The following SCARB1 variants were observed in gnomAD, a reference collection of about 807,000 sequenced individuals.
SCARB1 encodes the protein CD36 and LIMPII analogous 1.
In SCARB1, 30 loss-of-function variants were observed where a neutral mutation model predicts 57.2. That is an observed-to-expected ratio of 0.52 (90% CI 0.39 to 0.71). SCARB1 has a LOEUF of 0.71. Ranked by LOEUF, SCARB1 falls within the 30% of genes least tolerant of loss-of-function variation. The pLI is 0.00. For missense variants in SCARB1, 543 were observed against 671.2 expected, an observed-to-expected ratio of 0.81 and a Z score of 2.11; for synonymous variants, 249 against 268.3, an observed-to-expected ratio of 0.93 and a Z score of 0.70.
At chr12:124,804,195 T>A (rs2135621010) in intron 7 of SCARB1, among the ~76,000 whole-genome samples, 1 of 152,298 alleles carries the variant, frequency 6.6e-6, no homozygotes, top group African/African-American at 2.4e-5. Flanking sequence ...CAGCTGGGCA[T>A]GGGAGCCAGG....
intron 1 of SCARB1, among the ~76,000 whole-genome samples, chr12:124,820,746 G>A (rs1319416351): frequency 1.3e-5 from 2 of 152,124 alleles, no homozygotes; most frequent in African/African-American, 2.4e-5. Flanking sequence ...AAATGTGTTC[G>A]GGGAGTAGAG....
Position 124,810,626 on chromosome 12 carries a change from C to T in SCARB1, c.727-337G>A, listed in dbSNP as rs1348571665. Among the ~76,000 whole-genome samples the T allele has an allele frequency of 1.3e-5, 2 of 152,268 alleles. No individual in the cohort carries two copies. Among genetic ancestry groups the T allele is most frequent in the South Asian group, 2.1e-4 (1 of 4,834 alleles). ...GCGCGGCTGTGCTCAGCCCTCAGAG[C>T]GGAAGTCAACAGGCACCTCCTGAAA... On this transcript the variant is annotated intron_variant, in intron 5 of 12. Coordinates refer to ENST00000261693, the MANE Select transcript of SCARB1 (RefSeq NM_005505.5). The surrounding 1 kb of genome is among the most constrained non-coding windows in gnomAD (Gnocchi z 4.0).
rs7138175 is a variant in SCARB1, at chr12:124,812,999, A to C, written c.631-1034T>G. On this transcript the variant is annotated intron_variant, in intron 4 of 12. Coordinates refer to ENST00000261693, the MANE Select transcript of SCARB1 (RefSeq NM_005505.5). This position sits in a 1 kb window ranked among gnomAD's most constrained non-coding sequence, Gnocchi z 4.3. ...TTAATAAATGCTCACCCAATAGGAT[A>C]CTTAAATGATCATTATAATGGACGG... is the stretch of plus-strand genomic sequence containing the variant. Among the ~76,000 whole-genome samples the C allele has an allele frequency of 1, 152,176 of 152,284 alleles. 76,034 individuals are homozygous for C. Among genetic ancestry groups the C allele is most frequent in the Non-Finnish European group, 1 (68,034 of 68,034 alleles).
chr12:124,854,229 C>G (rs897235051), intron 1 of SCARB1, among the ~76,000 whole-genome samples: 2 of 152,182 alleles, frequency 1.3e-5, no homozygotes, highest in African/African-American at 4.8e-5. Flanking sequence ...CAAGTGAGAG[C>G]TGAACAGAGA....
intron 9 of SCARB1, 60 bp from the exon 10 acceptor site, chr12:124,787,517 T>C (rs1949567613): frequency 2.0e-6 from 3 of 1,474,378 alleles, no homozygotes; most frequent in Admixed American, 3.5e-5. Context: ...CTTGATCTAA[T>C]TCTGCTTGAA....
chr12:124,790,024 G>T (rs1342448125), intron 9 of SCARB1, among the ~76,000 whole-genome samples: 1 of 128,828 alleles, frequency 7.8e-6, no homozygotes, highest in African/African-American at 3.7e-5. Context: ...AAAAAAAAAA[G>T]AGGGAAGCAG....
intron 12 of SCARB1, among the ~76,000 whole-genome samples, chr12:124,780,171 G>C (rs1198770680): frequency 1.3e-5 from 2 of 152,162 alleles, no homozygotes; most frequent in Non-Finnish European, 2.9e-5. Context: ...TGGCGTGGAA[G>C]AAAGATCGGT....
At chr12:124,851,769 G>A (rs1952411412) in intron 1 of SCARB1, among the ~76,000 whole-genome samples, 1 of 151,934 alleles carries the variant, frequency 6.6e-6, no homozygotes, top group Non-Finnish European at 1.5e-5. Flanking sequence ...ACCATGCCCA[G>A]CTAATTTTTG....
Position 124,814,311 on chromosome 12 carries a change from C to A in SCARB1, c.521G>T (p.Arg174Leu). ...TTLGERAFMN[R>L]TVGEIMWGYK... ...GCCCCACATGATCTCACCCACAGTGCGGTTCATGAAGGCACGTTCGCCGAG... is the reference window on the plus strand; with the variant it reads ...GCCCCACATGATCTCACCCACAGTGAGGTTCATGAAGGCACGTTCGCCGAG... Residue 174 changes from arginine (R) to leucine (L), a missense_variant, in exon 4 of 13, where the codon CGC (arginine) becomes CTC (leucine). Physicochemically the swap from Arg to Leu is moderately radical, Grantham distance 102. Coordinates refer to ENST00000261693, the MANE Select transcript of SCARB1 (RefSeq NM_005505.5). The surrounding 1 kb of genome is among the most constrained non-coding windows in gnomAD (Gnocchi z 4.7). 2 of 1,614,112 alleles carry A rather than the reference C, an allele frequency of 1.2e-6. No individual in the cohort carries two copies. Among genetic ancestry groups the A allele is most frequent in the South Asian group, 1.1e-5 (1 of 91,082 alleles).
rs899506370 is a variant in SCARB1 at position 124,863,677 on chromosome 12, C to T, written c.44G>A (p.Gly15Asp). The T allele has an allele frequency of 6.4e-7, 1 of 1,562,582 alleles. No individual in the cohort carries two copies. Among genetic ancestry groups the T allele is most frequent in the African/African-American group, 1.4e-5 (1 of 71,226 alleles). The change falls in exon 1 of 13, where the codon GGC (glycine) becomes GAC (aspartate). Residue 15 changes from glycine to aspartate, a missense_variant. Transcript: ENST00000261693. ...CACAGCGCACAGTAGCCCCGCGACG[C>T]CCAGCGCCCCGGCAGCCCAGCGCGC... ...AKARWAAGAL[G>D]VAGLLCAVLG...
intron 9 of SCARB1, among the ~76,000 whole-genome samples, chr12:124,790,565 C>T (rs1949688722): frequency 6.6e-6 from 1 of 152,142 alleles, no homozygotes; most frequent in African/African-American, 2.4e-5. Flanking sequence ...TTCAGACTCC[C>T]AACACTGCAA....
At position 124,817,046 on chromosome 12, in the gene SCARB1, G is replaced by GTA. The variant is rs1293936843; in HGVS notation, c.284+503_284+504insTA. On this transcript the variant is annotated intron_variant, in intron 2 of 12. Transcript: ENST00000261693. The surrounding 1 kb of genome is among the most constrained non-coding windows in gnomAD (Gnocchi z 4.8). ...TGTGTGTGTGTGTGTGTGTGTGTGT[G>GTA]TGTATGTGTGTATGCATGTGTAGGT... 2.7e-5 allele frequency among the ~76,000 whole-genome samples: 4 copies of GTA among 147,654 alleles called. No homozygotes were observed. Among genetic ancestry groups the GTA allele is most frequent in the African/African-American group, 7.7e-5 (3 of 38,856 alleles).
In SCARB1 at chr12:124,807,971, G is replaced by T. The variant is rs753037477; in HGVS notation, c.843-44C>A. 6.2e-7 allele frequency: 1 copy of T among 1,602,116 alleles called. No individual in the cohort carries two copies. The highest frequency in any genetic ancestry group is 8.5e-7 in the Non-Finnish European group (1 of 1,170,060). On this transcript the variant is annotated intron_variant, in intron 6 of 12. Coordinates refer to ENST00000261693, the MANE Select transcript of SCARB1 (RefSeq NM_005505.5). The surrounding 1 kb of genome is among the most constrained non-coding windows in gnomAD (Gnocchi z 5.3). ...ATGAGAGGGGACACCCAGACCCGGC[G>T]GCCAGAGCCAGGCCCTGCCAAAGGC...
chr12:124,792,496 C>T (rs974382476), intron 9 of SCARB1, among the ~76,000 whole-genome samples: 2 of 151,856 alleles, frequency 1.3e-5, no homozygotes, highest in Non-Finnish European at 2.9e-5. Flanking sequence ...CTCTGGGAGG[C>T]GGATCACCTG....
intron 1 of SCARB1, among the ~76,000 whole-genome samples, chr12:124,829,498 C>G (rs1020834127): frequency 6.6e-6 from 1 of 152,218 alleles, no homozygotes. Flanking sequence ...AGGTCTTGCA[C>G]AACCCAGCTC....
At position 124,863,667 on chromosome 12, in the gene SCARB1, C is replaced by T. The variant is rs1007891697; in HGVS notation, c.54G>A (p.Gly18=). Reference sequence around the variant, plus strand: ...CAGCGCCCAGCACAGCGCACAGTAGCCCCGCGACGCCCAGCGCCCCGGCAG... The same window carrying T: ...CAGCGCCCAGCACAGCGCACAGTAGTCCCGCGACGCCCAGCGCCCCGGCAG... The part of the protein sequence containing the change: ...RWAAGALGVA[G]LLCAVLGAVM... The change falls in exon 1 of 13, where the codon GGG becomes GGA. Residue 18 remains glycine, a synonymous_variant. Coordinates refer to ENST00000261693, the MANE Select transcript of SCARB1 (RefSeq NM_005505.5). The T allele has an allele frequency of 1.3e-6, 2 of 1,572,190 alleles. No individual in the cohort carries two copies. The highest frequency in any genetic ancestry group is 1.7e-6 in the Non-Finnish European group (2 of 1,160,346).
intron 5 of SCARB1, among the ~76,000 whole-genome samples, chr12:124,811,007 A>C (rs1432112026): frequency 6.6e-6 from 1 of 152,332 alleles, no homozygotes; most frequent in Non-Finnish European, 1.5e-5. Context: ...GAAGTCACAC[A>C]GTCATTTTCA....
chr12:124,854,744 T>TG (rs529528963), intron 1 of SCARB1, among the ~76,000 whole-genome samples: 2 of 151,650 alleles, frequency 1.3e-5, no homozygotes, highest in Non-Finnish European at 1.5e-5. Context: ...AACTGGAAGA[T>TG]GGGGGGGCTA....
At position 124,789,956 on chromosome 12, in the gene SCARB1, A is replaced by G. The variant is rs1362783898; in HGVS notation, c.1203-2499T>C. Reference sequence around the variant, plus strand: ...AACCAGGGAGTCAGAGGTTGCAGTGAGCGGAGATCATGCCATTGCACTCCA... The same window carrying G: ...AACCAGGGAGTCAGAGGTTGCAGTGGGCGGAGATCATGCCATTGCACTCCA... On this transcript the variant is annotated intron_variant, in intron 9 of 12. Transcript: ENST00000261693. The surrounding 1 kb of genome is among the most constrained non-coding windows in gnomAD (Gnocchi z 4.4). 6.8e-6 allele frequency among the ~76,000 whole-genome samples: 1 copy of G among 146,800 alleles called. No homozygotes were observed. Among genetic ancestry groups the G allele is most frequent in the Non-Finnish European group, 1.5e-5 (1 of 67,796 alleles).
Sources: allele counts gnomAD v4.1 joint callset (sites outside exome capture counted in the v4.1 genomes callset), GRCh38; gene constraint gnomAD v4.1.1; non-coding constraint Gnocchi (gnomAD v3.1); transcripts MANE v1.5; gene names NCBI Gene and HGNC (gene_info 2026-07-23, HGNC 2026-07-21).